Variants in NBAS observed in about 807,000 individuals in gnomAD.
NBAS encodes the protein NAG/BC035112 fusion.
NBAS carries 219 observed loss-of-function variants against 302.5 expected under a neutral mutation model. The ratio of observed to expected loss-of-function variants is 0.72; its 90% CI spans 0.65 to 0.81. The LOEUF (loss-of-function observed/expected upper bound fraction) is 0.81. NBAS is among the 30% of genes least tolerant of loss of function. The probability of loss-of-function intolerance (pLI) is 0.00; values close to 1 mark genes in which losing one functional copy is unlikely to be tolerated. For missense variants in NBAS, 2,932 were observed against 2,841.6 expected, an observed-to-expected ratio of 1.03 and a Z score of -0.72; for synonymous variants, 1,118 against 1,021.6, an observed-to-expected ratio of 1.09 and a Z score of -1.80.
chr2:15,069,120 T>C, the NBAS span, among the ~76,000 whole-genome samples: 223 of 152,346 alleles, frequency 1.5e-3, 1 homozygote, highest in African/African-American at 5.2e-3. Flanking sequence ...TAATCATCTC[T>C]CAAATGCACC....
the NBAS span, among the ~76,000 whole-genome samples, chr2:14,884,915 A>T: frequency 6.6e-6 from 1 of 152,312 alleles, no homozygotes; most frequent in African/African-American, 2.4e-5. Flanking sequence ...ATGAATCAGT[A>T]AGTACAAAGG....
intron 41 of NBAS, among the ~76,000 whole-genome samples, chr2:15,290,297 TG>T (rs1300357890): frequency 3.9e-5 from 6 of 152,190 alleles, no homozygotes; most frequent in African/African-American, 1.4e-4. Flanking sequence ...AGCAGCAAGC[TG>T]GTGGAAACTC....
At chr2:14,790,881 G>A in the NBAS span, among the ~76,000 whole-genome samples, 3 of 151,934 alleles carry the variant, frequency 2.0e-5, no homozygotes, top group Non-Finnish European at 4.4e-5. Flanking sequence ...TGGAGATAGA[G>A]TTTCGCTCTT....
chr2:14,907,282 G>A, the NBAS span, among the ~76,000 whole-genome samples: 1 of 152,198 alleles, frequency 6.6e-6, no homozygotes, highest in African/African-American at 2.4e-5. Flanking sequence ...ATAAAATGGT[G>A]TCCTCTGTTC....
At chr2:15,168,923 C>T (rs781629849) in intron 51 of NBAS, among the ~76,000 whole-genome samples, 3 of 152,198 alleles carry the variant, frequency 2.0e-5, no homozygotes, top group Non-Finnish European at 4.4e-5. Flanking sequence ...CCACCGTGCC[C>T]GGCCTGTATG....
At chr2:15,444,297 A>T (rs1490817204) in intron 21 of NBAS, among the ~76,000 whole-genome samples, 1 of 152,248 alleles carries the variant, frequency 6.6e-6, no homozygotes, top group Non-Finnish European at 1.5e-5. Context: ...TATTGGTACC[A>T]AAACAGAGAT....
chr2:15,203,889 CTTGTGTGTGTGTGT>C (rs1558434450), intron 48 of NBAS, among the ~76,000 whole-genome samples: 5 of 58,990 alleles, frequency 8.5e-5, no homozygotes, highest in African/African-American at 3.8e-4. Context: ...TGTGTGTGTG[CTTGTGTGTGTGTGT>C]GTGTGTGTGT....
At chr2:14,780,057 T>A in the NBAS span, among the ~76,000 whole-genome samples, 2 of 152,144 alleles carry the variant, frequency 1.3e-5, no homozygotes, top group Non-Finnish European at 2.9e-5. Flanking sequence ...CTGCTCCACA[T>A]GTGGAGAGCA....
At chr2:15,240,946 A>G (rs1667840826) in intron 44 of NBAS, among the ~76,000 whole-genome samples, 1 of 152,182 alleles carries the variant, frequency 6.6e-6, no homozygotes, top group Admixed American at 6.5e-5. Context: ...TCATACATGT[A>G]GATGAAGAGA....
At chr2:15,389,541 G>A (rs890091705) in intron 28 of NBAS, among the ~76,000 whole-genome samples, 1 of 152,164 alleles carries the variant, frequency 6.6e-6, no homozygotes, top group African/African-American at 2.4e-5. Flanking sequence ...TCTGATTCCC[G>A]AGTCAAGATA....
chr2:15,103,641 T>A, the NBAS span, among the ~76,000 whole-genome samples: 1 of 152,190 alleles, frequency 6.6e-6, no homozygotes, highest in South Asian at 2.1e-4. Context: ...TAAATGTTTT[T>A]AGATTAAATG....
the NBAS span, among the ~76,000 whole-genome samples, chr2:15,077,445 A>C: frequency 1.3e-5 from 2 of 152,234 alleles, no homozygotes; most frequent in Admixed American, 1.3e-4. Flanking sequence ...CTTGGAATGA[A>C]TCCTCTGTGT....
At chr2:15,073,536 A>G in the NBAS span, among the ~76,000 whole-genome samples, 1 of 151,544 alleles carries the variant, frequency 6.6e-6, no homozygotes, top group East Asian at 1.9e-4. Context: ...ATCTGTTTCT[A>G]TTTTTTGGCT....
At chr2:15,490,840 T>C (rs1680824947) in intron 11 of NBAS, among the ~76,000 whole-genome samples, 1 of 152,200 alleles carries the variant, frequency 6.6e-6, no homozygotes, top group Non-Finnish European at 1.5e-5. Context: ...GCAGAAATTA[T>C]GGTCAAGTAT....
intron 40 of NBAS, among the ~76,000 whole-genome samples, chr2:15,293,003 GCT>G (rs1670381169): frequency 6.6e-6 from 1 of 152,038 alleles, no homozygotes; most frequent in South Asian, 2.1e-4. Context: ...TTGAACTCTT[GCT>G]CTGTTATTCT....
the NBAS span, among the ~76,000 whole-genome samples, chr2:14,812,047 T>G: frequency 3.9e-5 from 6 of 152,356 alleles, no homozygotes; most frequent in East Asian, 9.6e-4. Flanking sequence ...TCTTCAGCTC[T>G]GCATGACATT....
At chr2:14,984,869 C>G in the NBAS span, among the ~76,000 whole-genome samples, 6 of 152,220 alleles carry the variant, frequency 3.9e-5, no homozygotes, top group South Asian at 1.2e-3. Context: ...GACCTGAAAG[C>G]CCCAGCCTGT....
intron 44 of NBAS, among the ~76,000 whole-genome samples, 153 bp downstream of exon 44, chr2:15,275,331 C>T (rs1669522916): frequency 6.6e-6 from 1 of 152,168 alleles, no homozygotes; most frequent in East Asian, 1.9e-4. Context: ...CTAATTAAAA[C>T]ACCTCATTCA....
intron 50 of NBAS, among the ~76,000 whole-genome samples, chr2:15,186,471 A>C (rs1665092274): frequency 6.6e-6 from 1 of 152,128 alleles, no homozygotes; most frequent in African/African-American, 2.4e-5. Flanking sequence ...CATAAACTTG[A>C]GTTTGACAAA....
Sources: allele counts gnomAD v4.1 joint callset (sites outside exome capture counted in the v4.1 genomes callset), GRCh38; gene constraint gnomAD v4.1.1; transcripts MANE v1.5; gene names NCBI Gene and HGNC (gene_info 2026-07-23, HGNC 2026-07-21).